Variants in ZNF251 observed in about 807,000 individuals in gnomAD.
ZNF251 encodes the protein zinc finger protein 251.
Under a neutral mutation model 13.5 loss-of-function variants are expected in ZNF251, and 14 were observed. The observed-to-expected ratio is 1.04, with a 90% CI of 0.69 to 1.63. The LOEUF (loss-of-function observed/expected upper bound fraction) is 1.63. ZNF251 is among the 40% of genes most tolerant of loss of function. The pLI is 0.00. For synonymous variants in ZNF251, 287 were observed against 295.2 expected (o/e 0.97, Z 0.28); for missense variants, 764 against 834.9 (o/e 0.92, Z 1.05).
At chr8:144,747,737 C>G (rs1188365032) in intron 4 of ZNF251, among the ~76,000 whole-genome samples, 1 of 152,182 alleles carries the variant, frequency 6.6e-6, no homozygotes, top group South Asian at 2.1e-4. Context: ...CTCAGCCTCC[C>G]GAGTAGCTGA....
In ZNF251 at chr8:144,754,211, A is replaced by G; in HGVS notation, c.144T>C (p.Tyr48=). 1 of 1,613,968 alleles carries G rather than the reference A, an allele frequency of 6.2e-7. No individual in the cohort carries two copies. Among genetic ancestry groups the G allele is most frequent in the Non-Finnish European group, 8.5e-7 (1 of 1,179,904 alleles). ...ALYRDVMLEN[Y]GNVASLGFPV... ...CCTCACCCAGAGAGGCCACGTTCCC[A>G]TAGTTCTCCAGCATCACATCCCGGT... is the stretch of plus-strand genomic sequence containing the variant. The change falls in exon 3 of 5, where the codon TAT becomes TAC. Residue 48 remains tyrosine, a synonymous_variant. Coordinates refer to ENST00000292562, the MANE Select transcript of ZNF251 (RefSeq NM_138367.2).
At chr8:144,754,901 G>T in intron 1 of ZNF251, 98 bp from the exon 2 acceptor site, 13 of 1,444,218 alleles carry the variant, frequency 9.0e-6, no homozygotes, top group Non-Finnish European at 1.2e-5. Flanking sequence ...CTCCTGGGTC[G>T]CGGGAGGCAG....
intron 4 of ZNF251, among the ~76,000 whole-genome samples, chr8:144,733,486 A>G (rs888406835): frequency 1.3e-5 from 2 of 152,194 alleles, no homozygotes; most frequent in Non-Finnish European, 2.9e-5. Context: ...CTGAGTTCCC[A>G]ACCCCTCCCT....
At chr8:144,736,175 C>CA (rs1330024670) in intron 4 of ZNF251, among the ~76,000 whole-genome samples, 1 of 151,140 alleles carries the variant, frequency 6.6e-6, no homozygotes, top group East Asian at 1.9e-4. Context: ...GGACCCTCGA[C>CA]AGCCTGTTCT....
At chr8:144,749,502 T>A (rs1166180969) in intron 4 of ZNF251, among the ~76,000 whole-genome samples, 2 of 152,074 alleles carry the variant, frequency 1.3e-5, no homozygotes, top group South Asian at 2.1e-4. Flanking sequence ...AAAAAAAAAA[T>A]TTAAAAAGGT....
At chr8:144,750,880 C>A (rs1357010539) in intron 4 of ZNF251, among the ~76,000 whole-genome samples, 1 of 144,656 alleles carries the variant, frequency 6.9e-6, no homozygotes, top group Non-Finnish European at 1.5e-5. Flanking sequence ...TTTAGAGTCT[C>A]GCTCTGTCAC....
At chr8:144,751,301 A>T (rs1272289672) in intron 4 of ZNF251, among the ~76,000 whole-genome samples, 1 of 152,220 alleles carries the variant, frequency 6.6e-6, no homozygotes, top group Non-Finnish European at 1.5e-5. Flanking sequence ...AAACAGCTAA[A>T]ATACTATTTA....
chr8:144,744,881 C>A (rs1308142662), intron 4 of ZNF251, among the ~76,000 whole-genome samples: 1 of 152,184 alleles, frequency 6.6e-6, no homozygotes, highest in African/African-American at 2.4e-5. Context: ...CATGGCAAAA[C>A]CCCATCTCTA....
chr8:144,753,896 C>T (rs796077184), intron 3 of ZNF251, 100 bp from the exon 4 acceptor site: 10 of 928,590 alleles, frequency 1.1e-5, no homozygotes, highest in East Asian at 5.4e-5. Flanking sequence ...TACGCCTGCA[C>T]GTGTGTTGGT....
In ZNF251 at chr8:144,753,346, A is replaced by G. The variant is rs114441140; in HGVS notation, c.277+337T>C. On this transcript the variant is annotated intron_variant, in intron 4 of 4. Coordinates refer to ENST00000292562, the MANE Select transcript of ZNF251 (RefSeq NM_138367.2). The stretch of plus-strand genomic sequence containing the variant: ...GCAAATGAAGGAGAGAATGGAGTGA[A>G]GAATAAAAAGGACATGGTAGGGTAC... 3.7e-3 allele frequency: 692 copies of G among 185,200 alleles called. 3 individuals are homozygous for G. The highest frequency in any genetic ancestry group is 0.015 in the African/African-American group (621 of 42,776). The allele number at this position is 185,200 out of a possible 1,614,324, so 11.5% of individuals were successfully genotyped here.
Position 144,722,868 on chromosome 8 carries a change from T to C in ZNF251, c.792A>G (p.Pro264=). The part of the protein sequence containing the change: ...LHHHIHTGNK[P]FKCDECGKTF... ...TTTTCCCACATTCATCACATTTAAA[T>C]GGTTTATTTCCAGTGTGAATGTGAT... The change falls in exon 5 of 5, where the codon CCA becomes CCG. Residue 264 remains proline (P), a synonymous_variant. Coordinates refer to ENST00000292562, the MANE Select transcript of ZNF251 (RefSeq NM_138367.2). This position sits in a 1 kb window ranked among gnomAD's most constrained non-coding sequence, Gnocchi z 4.8. 7 of 1,613,988 alleles carry C rather than the reference T, an allele frequency of 4.3e-6. No homozygotes were observed. Among genetic ancestry groups the C allele is most frequent in the Non-Finnish European group, 5.9e-6 (7 of 1,179,898 alleles).
At chr8:144,724,237 G>A (rs977945122) in intron 4 of ZNF251, among the ~76,000 whole-genome samples, 3 of 142,560 alleles carry the variant, frequency 2.1e-5, no homozygotes, top group Non-Finnish European at 4.5e-5. Flanking sequence ...ACTCCAGCCC[G>A]GGCAACAGAG....
intron 4 of ZNF251, among the ~76,000 whole-genome samples, chr8:144,740,110 A>AC (rs1453154196): frequency 6.6e-6 from 1 of 150,940 alleles, no homozygotes; most frequent in African/African-American, 2.4e-5. Flanking sequence ...ACATGGAGAA[A>AC]CCCCGTCTCT....
chr8:144,748,850 C>T (rs1343596315), intron 4 of ZNF251, among the ~76,000 whole-genome samples: 1 of 152,192 alleles, frequency 6.6e-6, no homozygotes, highest in African/African-American at 2.4e-5. Flanking sequence ...GGAGCCATCA[C>T]TCCTGGCCGA....
chr8:144,751,084 A>G (rs1824672289), intron 4 of ZNF251, among the ~76,000 whole-genome samples: 1 of 152,004 alleles, frequency 6.6e-6, no homozygotes, highest in Non-Finnish European at 1.5e-5. Flanking sequence ...CCTGGCCTCA[A>G]CTGATCCACC....
intron 4 of ZNF251, among the ~76,000 whole-genome samples, chr8:144,748,393 G>A (rs1280525589): frequency 6.6e-6 from 1 of 152,074 alleles, no homozygotes; most frequent in East Asian, 1.9e-4. Flanking sequence ...TTTTGATGCT[G>A]TTGTTAGGCC....
chr8:144,727,122 A>G (rs562626826), intron 4 of ZNF251, among the ~76,000 whole-genome samples: 1 of 152,202 alleles, frequency 6.6e-6, no homozygotes, highest in Non-Finnish European at 1.5e-5. Context: ...CCATTTATAA[A>G]AAGTTCAAAA....
intron 4 of ZNF251, among the ~76,000 whole-genome samples, chr8:144,736,649 G>A (rs36040356): frequency 0.047 from 7,120 of 151,534 alleles, 315 homozygotes; most frequent in African/African-American, 0.11. Context: ...GCGCCACCAC[G>A]CCCAGCTAAT....
chr8:144,748,081 T>C (rs1486649272), intron 4 of ZNF251, among the ~76,000 whole-genome samples: 1 of 143,590 alleles, frequency 7.0e-6, no homozygotes, highest in Non-Finnish European at 1.5e-5. Context: ...ACAACCTCAC[T>C]TTTTTTTTTT....
Sources: gnomAD v4.1 joint callset for allele counts (sites outside exome capture counted in the v4.1 genomes callset) on GRCh38, gnomAD v4.1.1 for gene constraint, Gnocchi (gnomAD v3.1) non-coding constraint, MANE v1.5 for transcripts, NCBI Gene and HGNC (gene_info 2026-07-23, HGNC 2026-07-21) for gene names.